PCDH9: variants seen among roughly 807,000 people sequenced by gnomAD.
The protein encoded by PCDH9 is protocadherin-9.
In PCDH9, 24 loss-of-function variants were observed where a neutral mutation model predicts 70.6. The observed-to-expected ratio is 0.34, with a 90% CI of 0.25 to 0.48. PCDH9 has a LOEUF of 0.48. PCDH9 is among the 20% of genes least tolerant of loss of function. The pLI is 0.99. For missense variants in PCDH9, 1,281 were observed against 1,503.6 expected, an observed-to-expected ratio of 0.85 and a Z score of 2.45; for synonymous variants, 562 against 558.5, an observed-to-expected ratio of 1.01 and a Z score of -0.09.
intron 4 of PCDH9, among the ~76,000 whole-genome samples, chr13:66,613,663 A>T (rs1181118288): frequency 6.6e-6 from 1 of 152,130 alleles, no homozygotes; most frequent in Non-Finnish European, 1.5e-5. Flanking sequence ...AGATATCTGC[A>T]TGTTCTCCTA....
chr13:66,403,042 T>C (rs1957215629), intron 4 of PCDH9, among the ~76,000 whole-genome samples: 1 of 151,878 alleles, frequency 6.6e-6, no homozygotes, highest in Admixed American at 6.6e-5. Context: ...CAAATGTATC[T>C]GAGAAAGAAG....
At chr13:66,559,317 A>G (rs1961890577) in intron 4 of PCDH9, among the ~76,000 whole-genome samples, 1 of 152,164 alleles carries the variant, frequency 6.6e-6, no homozygotes, top group African/African-American at 2.4e-5. Flanking sequence ...CTATGCTTAC[A>G]AAGAAGGAAA....
chr13:66,986,592 C>T (rs2083896179), intron 2 of PCDH9, among the ~76,000 whole-genome samples: 3 of 151,912 alleles, frequency 2.0e-5, no homozygotes, highest in Admixed American at 2.0e-4. Flanking sequence ...AGAAGAATGA[C>T]ATAGATATAG....
chr13:66,342,402 A>G (rs1238154790), intron 4 of PCDH9, among the ~76,000 whole-genome samples: 2 of 152,220 alleles, frequency 1.3e-5, no homozygotes, highest in Non-Finnish European at 2.9e-5. Flanking sequence ...ATAATCATCA[A>G]AATAATTTAT....
In PCDH9 at chr13:67,226,690, T is replaced by G; in HGVS notation, c.1751A>C (p.Asn584Thr). 1 of 1,614,120 alleles carries G rather than the reference T, an allele frequency of 6.2e-7. No homozygotes were observed. Among genetic ancestry groups the G allele is most frequent in the South Asian group, 1.1e-5 (1 of 91,090 alleles). The change falls in exon 2 of 5, where the codon AAT (asparagine) becomes ACT (threonine). Residue 584 changes from asparagine to threonine, a missense_variant. Physicochemically the swap from Asn to Thr is moderately conservative, Grantham distance 65. Coordinates refer to ENST00000377865, the MANE Select transcript of PCDH9 (RefSeq NM_203487.3). This position sits in a 1 kb window ranked among gnomAD's most constrained non-coding sequence, Gnocchi z 5.0. ...HNHFQFFVSE[N>T]LPKYSTVGVI... ...CCCCACAGTACTATACTTTGGCAGATTCTCAGACACAAAAAATTGAAAATG... is the reference window on the plus strand; with the variant it reads ...CCCCACAGTACTATACTTTGGCAGAGTCTCAGACACAAAAAATTGAAAATG...
chr13:67,120,460 T>C (rs2086855671), intron 2 of PCDH9, among the ~76,000 whole-genome samples: 1 of 152,112 alleles, frequency 6.6e-6, no homozygotes, highest in African/African-American at 2.4e-5. Context: ...CACCAACAAC[T>C]TTGCTTTACC....
chr13:67,127,804 T>C (rs1217151834), intron 2 of PCDH9, among the ~76,000 whole-genome samples: 1 of 151,958 alleles, frequency 6.6e-6, no homozygotes, highest in Non-Finnish European at 1.5e-5. Context: ...ACTCATGTCA[T>C]CTGTTGCAAG....
At chr13:66,485,717 T>C (rs990583854) in intron 4 of PCDH9, among the ~76,000 whole-genome samples, 6 of 152,042 alleles carry the variant, frequency 3.9e-5, no homozygotes, top group Non-Finnish European at 7.4e-5. Context: ...TTTCATTTTA[T>C]TTATTCATTT....
At chr13:66,790,171 T>C (rs995602509) in intron 3 of PCDH9, among the ~76,000 whole-genome samples, 3 of 152,162 alleles carry the variant, frequency 2.0e-5, no homozygotes, top group Non-Finnish European at 4.4e-5. Context: ...TATTTCATTG[T>C]TTATTACTTG....
chr13:66,719,051 G>C (rs1229031999), intron 3 of PCDH9, among the ~76,000 whole-genome samples: 1 of 152,058 alleles, frequency 6.6e-6, no homozygotes, highest in East Asian at 1.9e-4. Flanking sequence ...AGTTAATATG[G>C]GCTAATGTAT....
At chr13:66,499,641 T>C (rs1959166605) in intron 4 of PCDH9, among the ~76,000 whole-genome samples, 1 of 152,200 alleles carries the variant, frequency 6.6e-6, no homozygotes, top group African/African-American at 2.4e-5. Context: ...ATAAGCACAA[T>C]AGTAATGATG....
At chr13:66,599,552 AT>A (rs113343487) in intron 4 of PCDH9, among the ~76,000 whole-genome samples, 24,771 of 147,630 alleles carry the variant, frequency 0.17, 2,069 homozygotes, top group Middle Eastern at 0.24. Context: ...TTTTTAATTA[AT>A]TTTTTTTTTT....
chr13:66,812,215 T>C (rs1328328368), intron 3 of PCDH9, among the ~76,000 whole-genome samples: 2 of 152,132 alleles, frequency 1.3e-5, no homozygotes, highest in Non-Finnish European at 2.9e-5. Context: ...AGTTTTTTAA[T>C]GGAAGAAAAG....
At chr13:66,673,517 G>T (rs1220778686) in intron 3 of PCDH9, among the ~76,000 whole-genome samples, 1 of 152,096 alleles carries the variant, frequency 6.6e-6, no homozygotes, top group Non-Finnish European at 1.5e-5. Context: ...GATGATATGA[G>T]TGCACAGAAA....
At chr13:66,635,118 G>A (rs530544597) in intron 3 of PCDH9, among the ~76,000 whole-genome samples, 3 of 152,106 alleles carry the variant, frequency 2.0e-5, no homozygotes, top group Admixed American at 6.5e-5. Flanking sequence ...GTCAAATCCT[G>A]ACTGGCTGAA....
Position 67,193,744 on chromosome 13 carries a change from C to T in PCDH9, c.3036+31661G>A, listed in dbSNP as rs568501541. On this transcript the variant is annotated intron_variant, in intron 2 of 4. Coordinates refer to ENST00000377865, the MANE Select transcript of PCDH9 (RefSeq NM_203487.3). ...TAAAGAGAATCTTATAGTTATGAGT[C>T]TATGGATGCTTCAAATAAAGGTTCC... Among the ~76,000 whole-genome samples, 40 of 152,152 alleles carry T rather than the reference C, an allele frequency of 2.6e-4. No homozygotes were observed. The South Asian group carries it at 3.5e-3, about 13-fold the overall frequency.
intron 4 of PCDH9, among the ~76,000 whole-genome samples, chr13:66,372,370 A>G (rs1463227349): frequency 6.6e-6 from 1 of 151,898 alleles, no homozygotes; most frequent in Admixed American, 6.6e-5. Flanking sequence ...AAAGGATTTA[A>G]CTGAGAGAGA....
chr13:66,551,498 T>C (rs944406047), intron 4 of PCDH9, among the ~76,000 whole-genome samples: 41 of 152,184 alleles, frequency 2.7e-4, no homozygotes, highest in Non-Finnish European at 8.8e-5. Context: ...TCTAGAAACA[T>C]GTCAAATTTA....
chr13:66,412,230 C>G (rs918898401), intron 4 of PCDH9, among the ~76,000 whole-genome samples: 2 of 152,178 alleles, frequency 1.3e-5, no homozygotes, highest in Admixed American at 1.3e-4. Flanking sequence ...AATGTGATCA[C>G]AGCTCACTGC....
Sources: allele counts gnomAD v4.1 joint callset (sites outside exome capture counted in the v4.1 genomes callset), GRCh38; gene constraint gnomAD v4.1.1; non-coding constraint Gnocchi (gnomAD v3.1); transcripts MANE v1.5; gene names NCBI Gene and HGNC (gene_info 2026-07-23, HGNC 2026-07-21).